CACNA1E: variants seen among roughly 807,000 people sequenced by gnomAD.
CACNA1E encodes the protein voltage-dependent R-type calcium channel subunit alpha-1E.
Under a neutral mutation model 259.2 loss-of-function variants are expected in CACNA1E, and 40 were observed. The ratio of observed to expected loss-of-function variants is 0.15; its 90% CI spans 0.12 to 0.20. The LOEUF is 0.20. CACNA1E is among the 10% of genes least tolerant of loss of function. CACNA1E has a pLI of 1.00. For missense variants in CACNA1E, 1,874 were observed against 3,040.1 expected (o/e 0.62, Z 9.02); for synonymous variants, 1,104 against 1,138.5 (o/e 0.97, Z 0.61).
At chr1:181,329,488 C>G (rs1651064575) in intron 1 of CACNA1E, among the ~76,000 whole-genome samples, 1 of 152,052 alleles carries the variant, frequency 6.6e-6, no homozygotes, top group Non-Finnish European at 1.5e-5. Context: ...CTCTCTATCA[C>G]CCACCAGCTT....
chr1:181,468,155 A>G (rs985714782), intron 2 of CACNA1E, among the ~76,000 whole-genome samples: 4 of 152,228 alleles, frequency 2.6e-5, no homozygotes, highest in Non-Finnish European at 4.4e-5. Flanking sequence ...CTCTAGATAC[A>G]TGGAGGAAAT....
intron 6 of CACNA1E, among the ~76,000 whole-genome samples, chr1:181,624,255 C>A (rs1037557252): frequency 2.6e-5 from 4 of 152,128 alleles, no homozygotes; most frequent in Admixed American, 2.6e-4. Flanking sequence ...CACCTTCAAC[C>A]CTAGAGATCC....
chr1:181,490,396 C>T (rs1309793376), intron 1 of CACNA1E, among the ~76,000 whole-genome samples: 1 of 151,574 alleles, frequency 6.6e-6, no homozygotes. Flanking sequence ...AAAAAAGGAG[C>T]CTCAAATAGA....
intron 7 of CACNA1E, among the ~76,000 whole-genome samples, chr1:181,706,941 T>C (rs72735208): frequency 0.13 from 19,073 of 152,258 alleles, 1,287 homozygotes; most frequent in Admixed American, 0.19. Flanking sequence ...CTGTTCTTGA[T>C]ATTTTATTTC....
chr1:181,712,357 C>T lies in CACNA1E; in HGVS notation c.1171+1288C>T, dbSNP rs186844274. ...GTATGACAGTATCTTTTCTCTATTC[C>T]TAATAGAAAACATAGCACAAAAGTG... On this transcript the variant is annotated intron_variant, in intron 8 of 47. Transcript: ENST00000367573. 3.0e-3 allele frequency among the ~76,000 whole-genome samples: 449 copies of T among 152,188 alleles called. 1 individual carries two copies. Among genetic ancestry groups the T allele is most frequent in the Non-Finnish European group, 5.1e-3 (347 of 68,008 alleles).
chr1:181,701,835 T>C (rs914394259), intron 7 of CACNA1E, among the ~76,000 whole-genome samples: 12 of 152,232 alleles, frequency 7.9e-5, no homozygotes, highest in African/African-American at 2.9e-4. Flanking sequence ...TAGTGTAGCA[T>C]CCAAGAATAT....
At chr1:181,796,177 G>A (rs1661789099) in intron 46 of CACNA1E, among the ~76,000 whole-genome samples, 1 of 152,142 alleles carries the variant, frequency 6.6e-6, no homozygotes. Flanking sequence ...TAATTTGCTA[G>A]CCTGCCTTTC....
chr1:181,517,810 G>C (rs959655325), intron 3 of CACNA1E, among the ~76,000 whole-genome samples: 15 of 152,156 alleles, frequency 9.9e-5, no homozygotes, highest in African/African-American at 3.4e-4. Flanking sequence ...TAAAGAGGCT[G>C]CCCTAATACA....
chr1:181,360,845 C>A (rs573270982), intron 1 of CACNA1E, among the ~76,000 whole-genome samples: 4 of 152,130 alleles, frequency 2.6e-5, no homozygotes, highest in East Asian at 1.9e-4. Context: ...GTTCTACTAC[C>A]ATATGTGGCT....
At position 181,510,481 on chromosome 1, in the gene CACNA1E, T is replaced by C; in HGVS notation, c.271T>C (p.Phe91Leu). 1 of 1,612,652 alleles carries C rather than the reference T, an allele frequency of 6.2e-7. No individual in the cohort carries two copies. Among genetic ancestry groups the C allele is most frequent in the South Asian group, 1.1e-5 (1 of 91,048 alleles). ...YAKKLIDWPP[F>L]EYMILATIIA... is the part of the protein sequence containing the mutation. ...TCCTTAACTCCGCTTTCCCACGCCA[T>C]TTGAGTACATGATCCTGGCCACCAT... Residue 91 changes from phenylalanine to leucine, a missense_variant, in exon 2 of 48, where the codon TTT becomes CTT. Phe to Leu is a conservative substitution (Grantham distance 22). Coordinates refer to ENST00000367573, the MANE Select transcript of CACNA1E (RefSeq NM_001205293.3).
At chr1:181,752,261 C>G (rs533774130) in intron 27 of CACNA1E, 22 bp downstream of exon 27, 1 of 1,515,980 alleles carries the variant, frequency 6.6e-7, no homozygotes, top group African/African-American at 1.4e-5. Context: ...AGAGTTTGTT[C>G]CCATCAAATC....
Position 181,586,298 on chromosome 1 carries a change from T to C in CACNA1E, c.951+5522T>C, listed in dbSNP as rs554650002. Among the ~76,000 whole-genome samples the C allele has an allele frequency of 2.2e-3, 330 of 152,148 alleles. 5 individuals carry two copies. The Middle Eastern group carries it at 0.024, about 11-fold the overall frequency. On this transcript the variant is annotated intron_variant, in intron 6 of 47. Transcript: ENST00000367573. ...TTGCCATGCTCATTTGATACAGTAG[T>C]ATAGGGAAGGGGGTGAATAAATGAG...
chr1:181,472,695 T>G (rs1054855722), intron 2 of CACNA1E, among the ~76,000 whole-genome samples: 7 of 152,182 alleles, frequency 4.6e-5, no homozygotes, highest in African/African-American at 1.7e-4. Flanking sequence ...AGCTGGTGAC[T>G]GTCTTCAGGT....
At chr1:181,333,133 G>A (rs1435544062) in intron 1 of CACNA1E, among the ~76,000 whole-genome samples, 1 of 152,188 alleles carries the variant, frequency 6.6e-6, no homozygotes, top group African/African-American at 2.4e-5. Flanking sequence ...TGTGGGCCCA[G>A]ACGCCACTGA....
intron 2 of CACNA1E, among the ~76,000 whole-genome samples, chr1:181,429,152 A>G (rs1231118889): frequency 2.6e-5 from 4 of 152,216 alleles, no homozygotes; most frequent in African/African-American, 7.2e-5. Flanking sequence ...ACTGCACTCC[A>G]ACCTGGGCAA....
Position 181,799,179 on chromosome 1 carries a change from G to GCGACCA in CACNA1E, c.*346_*347insGACCAC. 1 of 192,830 alleles carries GCGACCA rather than the reference G, an allele frequency of 5.2e-6. No individual in the cohort carries two copies. The highest frequency in any genetic ancestry group is 1.1e-5 in the Non-Finnish European group (1 of 94,576). 11.9% of individuals were successfully genotyped at this position (192,830 alleles called of 1,614,324 possible). ...TAAAAGCTGTGGAGGGATCTAGCTGGCCTATGTCTACACTCAGTGCCCTGA... is the reference window on the plus strand; with the variant it reads ...TAAAAGCTGTGGAGGGATCTAGCTGGCGACCACCTATGTCTACACTCAGTGCCCTGA... On this transcript the variant is annotated 3_prime_UTR_variant, in exon 48 of 48. Transcript: ENST00000367573.
At chr1:181,753,591 C>T (rs907463270) in intron 27 of CACNA1E, among the ~76,000 whole-genome samples, 1 of 152,284 alleles carries the variant, frequency 6.6e-6, no homozygotes, top group Non-Finnish European at 1.5e-5. Context: ...TCAACAGTTC[C>T]TCTGGAATGC....
intron 6 of CACNA1E, among the ~76,000 whole-genome samples, chr1:181,583,624 C>A (rs991909763): frequency 5.3e-5 from 8 of 152,190 alleles, no homozygotes; most frequent in African/African-American, 1.9e-4. Flanking sequence ...TTCCTAGATG[C>A]CTCCCTATGA....
intron 3 of CACNA1E, among the ~76,000 whole-genome samples, chr1:181,514,865 A>G (rs546366727): frequency 3.3e-5 from 5 of 152,146 alleles, no homozygotes; most frequent in African/African-American, 4.8e-5. Context: ...TCTTTGGCCT[A>G]TAAGTTGAGG....
Sources: allele counts gnomAD v4.1 joint callset (sites outside exome capture counted in the v4.1 genomes callset), GRCh38; gene constraint gnomAD v4.1.1; transcripts MANE v1.5; gene names NCBI Gene and HGNC (gene_info 2026-07-23, HGNC 2026-07-21).